Variants in DDI2 observed in about 807,000 individuals in gnomAD.
DDI2 encodes protein DDI1 homolog 2.
A neutral mutation model predicts 48.1 loss-of-function variants in DDI2; 5 were observed. That is an observed-to-expected ratio of 0.10 (90% CI 0.05 to 0.22). The LOEUF (loss-of-function observed/expected upper bound fraction) is 0.22. Among genes scored for constraint, DDI2 ranks in the 10% least tolerant of loss-of-function variants. The pLI, the probability that DDI2 is intolerant of heterozygous loss-of-function variation, is 1.00. For synonymous variants in DDI2, 205 were observed against 183.6 expected (o/e 1.12, Z -0.94); for missense variants, 285 against 506.2 (o/e 0.56, Z 4.19).
intron 8 of DDI2, among the ~76,000 whole-genome samples, chr1:15,654,670 A>C (rs1002689144): frequency 1.3e-5 from 2 of 152,012 alleles, no homozygotes; most frequent in African/African-American, 2.4e-5. Context: ...AAAAAAAAAA[A>C]AAACAACAGA....
chr1:15,631,574 G>A (rs1350072641), intron 3 of DDI2, among the ~76,000 whole-genome samples: 2 of 152,152 alleles, frequency 1.3e-5, no homozygotes, highest in African/African-American at 4.8e-5. Flanking sequence ...TTTACCTTAA[G>A]CGAAGTACTC....
chr1:15,632,250 A>G (rs1639857823), intron 3 of DDI2, among the ~76,000 whole-genome samples: 1 of 152,156 alleles, frequency 6.6e-6, no homozygotes, highest in Admixed American at 6.5e-5. Flanking sequence ...GGGGCATTTA[A>G]GTTTGCACAC....
rs1370134296 is a variant in DDI2, at chr1:15,663,832, C to T, written c.*4042C>T. On this transcript the variant is annotated 3_prime_UTR_variant, in exon 10 of 10. Coordinates refer to ENST00000480945, the MANE Select transcript of DDI2 (RefSeq NM_032341.5). ...GAACTTACTGATGACAATAGACTCC[C>T]TCCTAAAGGGCCTTCCATGTAAGCA... 5.9e-5 allele frequency: 9 copies of T among 152,154 alleles called. No individual in the cohort carries two copies. In the South Asian group the frequency reaches 1.9e-3, roughly 31 times the overall value. The allele number at this position is 152,154 out of a possible 1,614,324, so 9.4% of individuals were successfully genotyped here. A position where few individuals can be genotyped will look rare whatever the true frequency, so the allele number is the denominator to read the frequency against.
In DDI2 at chr1:15,660,451, G is replaced by A. The variant is rs1442938781; in HGVS notation, c.*661G>A. The stretch of plus-strand genomic sequence containing the variant: ...CCAAGAATATCTTTGTAACATAGGG[G>A]ACCTTGAGCTTCCTGAAGAAAGGCA... On this transcript the variant is annotated 3_prime_UTR_variant, in exon 10 of 10. Coordinates refer to ENST00000480945, the MANE Select transcript of DDI2 (RefSeq NM_032341.5). 6.2e-7 allele frequency: 1 copy of A among 1,614,004 alleles called. No individual in the cohort carries two copies. The highest frequency in any genetic ancestry group is 8.5e-7 in the Non-Finnish European group (1 of 1,180,022).
intron 5 of DDI2, among the ~76,000 whole-genome samples, chr1:15,642,506 G>C (rs186203649): frequency 2.6e-4 from 39 of 152,278 alleles, no homozygotes; most frequent in African/African-American, 8.9e-4. Flanking sequence ...TAGTGAGACG[G>C]GATATTGCTA....
chr1:15,626,871 T>C (rs1046958317), intron 2 of DDI2, 73 bp downstream of exon 2: 3 of 1,584,946 alleles, frequency 1.9e-6, no homozygotes, highest in Non-Finnish European at 2.6e-6. Flanking sequence ...CCTCAGAGTT[T>C]TGGATTCGCT....
intron 6 of DDI2, among the ~76,000 whole-genome samples, chr1:15,648,219 G>A (rs976930637): frequency 5.9e-5 from 9 of 152,200 alleles, no homozygotes; most frequent in Admixed American, 5.2e-4. Context: ...CAGGGGCTGA[G>A]TTCTCAGATT....
chr1:15,649,669 C>G, intron 6 of DDI2, 51 bp from the exon 7 acceptor site: 1 of 1,568,452 alleles, frequency 6.4e-7, no homozygotes, highest in South Asian at 1.2e-5. Context: ...GAAACTCCGT[C>G]TCTGTTTTGA....
chr1:15,641,395 C>T (rs1161930546), intron 5 of DDI2, among the ~76,000 whole-genome samples: 2 of 151,774 alleles, frequency 1.3e-5, no homozygotes, highest in Non-Finnish European at 2.9e-5. Context: ...TAGCCTGAAC[C>T]TGGGAGGCAG....
At chr1:15,633,026 A>T (rs1056219123) in intron 3 of DDI2, among the ~76,000 whole-genome samples, 1 of 145,624 alleles carries the variant, frequency 6.9e-6, no homozygotes, top group South Asian at 2.2e-4. Context: ...GGCTCAGGCC[A>T]TCCCCCCACC....
intron 4 of DDI2, among the ~76,000 whole-genome samples, chr1:15,635,491 C>G (rs911851113): frequency 6.6e-6 from 1 of 152,116 alleles, no homozygotes; most frequent in Non-Finnish European, 1.5e-5. Context: ...TTGCAGCCTC[C>G]GCCTCCCAAG....
Position 15,660,809 on chromosome 1 carries a change from A to G in DDI2, c.*1019A>G, listed in dbSNP as rs1338325271. 9 of 1,614,058 alleles carry G rather than the reference A, an allele frequency of 5.6e-6. No homozygotes were observed. In the African/African-American group the frequency reaches 1.2e-4, roughly 22 times the overall value. ...TCCACTCAGGATTTACAGCCCCCAGAAACTAATGTTGAAATACCTGGAACA... is the reference window on the plus strand; with the variant it reads ...TCCACTCAGGATTTACAGCCCCCAGGAACTAATGTTGAAATACCTGGAACA... On this transcript the variant is annotated 3_prime_UTR_variant, in exon 10 of 10. Transcript: ENST00000480945.
chr1:15,630,229 G>A, intron 2 of DDI2, 96 bp from the exon 3 acceptor site: 1 of 1,117,404 alleles, frequency 8.9e-7, no homozygotes, highest in Admixed American at 1.8e-5. Context: ...CTTTGCTGCT[G>A]TCATATACCA....
At chr1:15,621,452 A>G (rs12071463) in intron 1 of DDI2, among the ~76,000 whole-genome samples, 4,933 of 152,106 alleles carry the variant, frequency 0.032, 272 homozygotes, top group African/African-American at 0.11. Context: ...TAGTGCGCTC[A>G]CAGGTCACTG....
chr1:15,652,662 A>T (rs1348543523), intron 8 of DDI2, among the ~76,000 whole-genome samples: 2 of 151,900 alleles, frequency 1.3e-5, no homozygotes, highest in African/African-American at 4.8e-5. Context: ...TCTCTACTAA[A>T]TATACAAAAA....
chr1:15,618,287 T>C (rs1408445015), intron 1 of DDI2, among the ~76,000 whole-genome samples: 1 of 150,246 alleles, frequency 6.7e-6, no homozygotes, highest in Non-Finnish European at 1.5e-5. Flanking sequence ...GGGTTTCTGC[T>C]TAAATATACG....
At chr1:15,655,993 T>C (rs1640268618) in intron 8 of DDI2, among the ~76,000 whole-genome samples, 1 of 151,686 alleles carries the variant, frequency 6.6e-6, no homozygotes, top group Non-Finnish European at 1.5e-5. Flanking sequence ...TATATTAAAA[T>C]GTTTTAAAAA....
chr1:15,630,611 C>G, intron 3 of DDI2, 50 bp downstream of exon 3: 2 of 1,280,382 alleles, frequency 1.6e-6, no homozygotes, highest in Non-Finnish European at 2.3e-6. Flanking sequence ...GGTGAAGAAG[C>G]TGTGTCATAG....
chr1:15,627,552 C>G (rs769450953), intron 2 of DDI2, among the ~76,000 whole-genome samples: 1 of 152,138 alleles, frequency 6.6e-6, no homozygotes, highest in African/African-American at 2.4e-5. Flanking sequence ...TTCTATGTCA[C>G]TGAAATAATA....
Sources: allele counts gnomAD v4.1 joint callset (sites outside exome capture counted in the v4.1 genomes callset), GRCh38; gene constraint gnomAD v4.1.1; transcripts MANE v1.5; gene names NCBI Gene and HGNC (gene_info 2026-07-23, HGNC 2026-07-21).